GALNT17: variants seen among roughly 807,000 people sequenced by gnomAD.
The protein encoded by GALNT17 is UDP-GalNAc:polypeptide N-acetylgalactosaminyltransferase-like 3.
A neutral mutation model predicts 63.7 loss-of-function variants in GALNT17; 29 were observed. The ratio of observed to expected loss-of-function variants is 0.46; its 90% CI spans 0.34 to 0.62. The LOEUF (loss-of-function observed/expected upper bound fraction) is 0.62. Ranked by LOEUF, GALNT17 falls within the 20% of genes least tolerant of loss-of-function variation. The pLI, the probability that GALNT17 is intolerant of heterozygous loss-of-function variation, is 0.01. For synonymous variants in GALNT17, 305 were observed against 318.3 expected (o/e 0.96, Z 0.45); for missense variants, 603 against 799.6 (o/e 0.75, Z 2.97).
chr7:71,489,109 G>A (rs981116221), intron 5 of GALNT17, among the ~76,000 whole-genome samples: 4 of 151,460 alleles, frequency 2.6e-5, no homozygotes, highest in African/African-American at 9.7e-5. Flanking sequence ...GGTCAGGCTG[G>A]TCTTGAACTC....
Position 71,472,116 on chromosome 7 carries a change from C to G in GALNT17, c.962+51011C>G, listed in dbSNP as rs1026624221. ...GGCCCATTTCCCGGTTAATACATGG[C>G]CCCTTCTCCCTGTATCATCACATAG... On this transcript the variant is annotated intron_variant, in intron 5 of 10. Coordinates refer to ENST00000333538, the MANE Select transcript of GALNT17 (RefSeq NM_022479.3). Among the ~76,000 whole-genome samples, 6 of 152,106 alleles carry G rather than the reference C, an allele frequency of 3.9e-5. No individual in the cohort carries two copies. In the South Asian group the frequency reaches 1.2e-3, roughly 32 times the overall value.
chr7:71,535,839 G>C (rs1212106282), intron 5 of GALNT17, among the ~76,000 whole-genome samples: 1 of 152,170 alleles, frequency 6.6e-6, no homozygotes, highest in Non-Finnish European at 1.5e-5. Flanking sequence ...TTGACTATTG[G>C]TTGGTAAACA....
intron 5 of GALNT17, among the ~76,000 whole-genome samples, chr7:71,484,394 A>G (rs1325934686): frequency 1.3e-5 from 2 of 152,194 alleles, no homozygotes; most frequent in Non-Finnish European, 2.9e-5. Flanking sequence ...TGGCTGAGGC[A>G]GGAGAATGGC....
At chr7:71,337,396 A>G (rs976544502) in intron 2 of GALNT17, among the ~76,000 whole-genome samples, 20 of 152,294 alleles carry the variant, frequency 1.3e-4, no homozygotes, top group Non-Finnish European at 2.2e-4. Flanking sequence ...GTAGAGGGAT[A>G]TTTTTGGAGA....
Position 71,174,309 on chromosome 7 carries a change from GCAGA to G in GALNT17, c.238+41270_238+41273del, listed in dbSNP as rs1395526576. Among the ~76,000 whole-genome samples the G allele has an allele frequency of 4.6e-5, 7 of 152,170 alleles. No homozygotes were observed. The East Asian group carries it at 9.7e-4, about 21-fold the overall frequency. On this transcript the variant is annotated intron_variant, in intron 1 of 10. Coordinates refer to ENST00000333538, the MANE Select transcript of GALNT17 (RefSeq NM_022479.3). ...AAGAAGCCGGGGGGAGTTCCTCTAA[GCAGA>G]GGCCATGACCGCACATTGGCACTGG...
chr7:71,341,179 A>C (rs1791999028), intron 2 of GALNT17, among the ~76,000 whole-genome samples: 2 of 152,328 alleles, frequency 1.3e-5, no homozygotes, highest in South Asian at 4.1e-4. Context: ...GCAAGACCCT[A>C]TCTCTTATAA....
rs540911098 is a variant in GALNT17 at position 71,277,865 on chromosome 7, G to A, written c.239-57685G>A. On this transcript the variant is annotated intron_variant, in intron 1 of 10. Coordinates refer to ENST00000333538, the MANE Select transcript of GALNT17 (RefSeq NM_022479.3). ...ACTTTTGTGCCATGGGCGGTCACCC[G>A]TGAAGAAAAACATTTCACTTACACC... is the stretch of plus-strand genomic sequence containing the variant. Among the ~76,000 whole-genome samples, 6 of 152,290 alleles carry A rather than the reference G, an allele frequency of 3.9e-5. No homozygotes were observed. The East Asian group carries it at 5.8e-4, about 15-fold the overall frequency.
At chr7:71,468,417 T>A (rs1354528778) in intron 5 of GALNT17, among the ~76,000 whole-genome samples, 1 of 151,528 alleles carries the variant, frequency 6.6e-6, no homozygotes, top group Non-Finnish European at 1.5e-5. Context: ...TTATTTTATT[T>A]ATTATTTTTT....
At chr7:71,489,680 C>T (rs1194712948) in intron 5 of GALNT17, among the ~76,000 whole-genome samples, 1 of 152,232 alleles carries the variant, frequency 6.6e-6, no homozygotes, top group African/African-American at 2.4e-5. Context: ...GGCTTACATA[C>T]AGGGGAGAGA....
intron 6 of GALNT17, among the ~76,000 whole-genome samples, chr7:71,608,946 AT>A (rs766905822): frequency 4.3e-5 from 6 of 140,578 alleles, no homozygotes; most frequent in African/African-American, 1.6e-4. Context: ...CTCCCAGCTA[AT>A]TTTTTTTTTT....
chr7:71,182,097 C>T (rs1312741273), intron 1 of GALNT17, among the ~76,000 whole-genome samples: 1 of 152,160 alleles, frequency 6.6e-6, no homozygotes, highest in Non-Finnish European at 1.5e-5. Flanking sequence ...ATCACTTGAA[C>T]CCCAGAGGAG....
intron 1 of GALNT17, among the ~76,000 whole-genome samples, chr7:71,227,341 A>C (rs1469703923): frequency 6.6e-6 from 1 of 151,562 alleles, no homozygotes; most frequent in Non-Finnish European, 1.5e-5. Context: ...TCCAGCCTGG[A>C]TGAGAGAGCA....
intron 1 of GALNT17, among the ~76,000 whole-genome samples, chr7:71,268,423 G>A (rs1032570392): frequency 4.0e-5 from 6 of 151,160 alleles, no homozygotes; most frequent in Non-Finnish European, 8.8e-5. Context: ...GTGGTGGCAT[G>A]TTCCTGAGTC....
At chr7:71,323,810 A>G (rs1460398284) in intron 1 of GALNT17, among the ~76,000 whole-genome samples, 3 of 152,340 alleles carry the variant, frequency 2.0e-5, no homozygotes, top group Admixed American at 2.0e-4. Context: ...AATCGTATCT[A>G]TGATATTTAC....
intron 2 of GALNT17, among the ~76,000 whole-genome samples, chr7:71,370,164 C>T (rs540607056): frequency 2.4e-4 from 36 of 152,282 alleles, no homozygotes; most frequent in African/African-American, 8.7e-4. Context: ...AGTTCTATAA[C>T]CTTAAGAAAT....
chr7:71,610,101 G>A (rs1447770728), intron 6 of GALNT17, among the ~76,000 whole-genome samples: 1 of 151,952 alleles, frequency 6.6e-6, no homozygotes. Context: ...AAAATTTACA[G>A]ACCTTATTCT....
chr7:71,439,464 G>A (rs2116512889), intron 5 of GALNT17, among the ~76,000 whole-genome samples: 1 of 152,252 alleles, frequency 6.6e-6, no homozygotes, highest in Non-Finnish European at 1.5e-5. Context: ...AAATTCCCAG[G>A]CAGTGCCCTA....
At chr7:71,512,281 T>G (rs1185856631) in intron 5 of GALNT17, among the ~76,000 whole-genome samples, 1 of 152,054 alleles carries the variant, frequency 6.6e-6, no homozygotes, top group African/African-American at 2.4e-5. Flanking sequence ...GCTGGGATTA[T>G]AAGTATGAGC....
At chr7:71,574,471 A>G (rs1159744246) in intron 6 of GALNT17, among the ~76,000 whole-genome samples, 1 of 152,144 alleles carries the variant, frequency 6.6e-6, no homozygotes, top group East Asian at 1.9e-4. Flanking sequence ...CAGCTTCTGG[A>G]GATGGGGGAA....
Sources: gnomAD v4.1 joint callset for allele counts (sites outside exome capture counted in the v4.1 genomes callset) on GRCh38, gnomAD v4.1.1 for gene constraint, MANE v1.5 for transcripts, NCBI Gene and HGNC (gene_info 2026-07-23, HGNC 2026-07-21) for gene names.